Variants in RRP15 observed in about 807,000 individuals in gnomAD.
The protein encoded by RRP15 is RRP15-like protein.
A neutral mutation model predicts 27.1 loss-of-function variants in RRP15; 18 were observed. The observed-to-expected ratio is 0.66, with a 90% CI of 0.46 to 0.98. The LOEUF (loss-of-function observed/expected upper bound fraction) is 0.98, where lower values mean the gene tolerates loss of function less well. Ranked by LOEUF, RRP15 falls within the 50% of genes least tolerant of loss-of-function variation. The probability of loss-of-function intolerance (pLI) is 0.00; values close to 1 mark genes in which losing one functional copy is unlikely to be tolerated. For missense variants in RRP15, 359 were observed against 337.8 expected (o/e 1.06, Z -0.49); for synonymous variants, 107 against 109.4 (o/e 0.98, Z 0.14).
At chr1:218,328,764 C>G (rs1238099641) in intron 4 of RRP15, among the ~76,000 whole-genome samples, 1 of 152,004 alleles carries the variant, frequency 6.6e-6, no homozygotes, top group Non-Finnish European at 1.5e-5. Context: ...AGAGGAGTAG[C>G]TCAGTCCAAC....
intron 4 of RRP15, among the ~76,000 whole-genome samples, chr1:218,311,211 A>C (rs932000878): frequency 6.6e-6 from 1 of 152,132 alleles, no homozygotes; most frequent in African/African-American, 2.4e-5. Context: ...TCTGGTATTT[A>C]CCTCCATATC....
chr1:218,285,505 A>G, intron 1 of RRP15, 50 bp downstream of exon 1: 1 of 1,609,432 alleles, frequency 6.2e-7, no homozygotes, highest in Non-Finnish European at 8.5e-7. Flanking sequence ...GGCGGGGCTG[A>G]GTTCGTGTCA....
At chr1:218,308,206 G>A (rs1015522085) in intron 4 of RRP15, among the ~76,000 whole-genome samples, 3 of 150,662 alleles carry the variant, frequency 2.0e-5, no homozygotes, top group Non-Finnish European at 4.4e-5. Flanking sequence ...TGAGTAGCCA[G>A]GTTTACAGGC....
intron 4 of RRP15, among the ~76,000 whole-genome samples, chr1:218,313,684 G>A (rs148101311): frequency 9.9e-4 from 150 of 152,280 alleles, no homozygotes; most frequent in African/African-American, 3.0e-3. Context: ...GAGGCCACCT[G>A]GGGCAGGCAC....
At chr1:218,320,063 T>C (rs1315919147) in intron 4 of RRP15, among the ~76,000 whole-genome samples, 1 of 151,486 alleles carries the variant, frequency 6.6e-6, no homozygotes, top group Non-Finnish European at 1.5e-5. Flanking sequence ...TTTTCTTTTA[T>C]TTTATTATTA....
At chr1:218,326,731 G>C (rs1233938849) in intron 4 of RRP15, among the ~76,000 whole-genome samples, 3 of 151,942 alleles carry the variant, frequency 2.0e-5, no homozygotes, top group Admixed American at 1.3e-4. Context: ...TCTGGTTGCT[G>C]TGTGTGTGTG....
At chr1:218,326,490 C>G (rs1183491948) in intron 4 of RRP15, among the ~76,000 whole-genome samples, 1 of 151,122 alleles carries the variant, frequency 6.6e-6, no homozygotes, top group Non-Finnish European at 1.5e-5. Context: ...TTCTGATAAT[C>G]CTTAGTTGTG....
At chr1:218,323,376 T>C (rs1656218772) in intron 4 of RRP15, among the ~76,000 whole-genome samples, 1 of 152,032 alleles carries the variant, frequency 6.6e-6, no homozygotes, top group South Asian at 2.1e-4. Context: ...GACCCTGGGG[T>C]GGATAGCTCC....
Position 218,285,329 on chromosome 1 carries a change from G to A in RRP15, c.13G>A (p.Ala5Thr). 3.7e-6 allele frequency: 6 copies of A among 1,613,792 alleles called. No individual in the cohort carries two copies. Among genetic ancestry groups the A allele is most frequent in the Non-Finnish European group, 5.1e-6 (6 of 1,179,884 alleles). The change falls in exon 1 of 5, where the codon GCT (alanine) becomes ACT (threonine). Residue 5 changes from alanine to threonine, a missense_variant. Transcript: ENST00000366932. MAAA[A>T]PDSRVSEEEN... Reference sequence around the variant, plus strand: ...CCGGCGCAGAAAAATGGCAGCCGCCGCTCCGGACTCACGTGTGAGTGAGGA... The same window carrying A: ...CCGGCGCAGAAAAATGGCAGCCGCCACTCCGGACTCACGTGTGAGTGAGGA...
At chr1:218,290,225 A>C (rs1437403411) in intron 1 of RRP15, among the ~76,000 whole-genome samples, 1 of 152,210 alleles carries the variant, frequency 6.6e-6, no homozygotes, top group Admixed American at 6.5e-5. Context: ...GTAATATCAA[A>C]TTACTATAAA....
intron 1 of RRP15, among the ~76,000 whole-genome samples, chr1:218,300,558 G>A (rs893875430): frequency 6.6e-6 from 1 of 152,074 alleles, no homozygotes; most frequent in African/African-American, 2.4e-5. Flanking sequence ...GAGAGTAGAG[G>A]GGATCACTCA....
At chr1:218,314,990 CAAAAAA>C (rs76826029) in intron 4 of RRP15, among the ~76,000 whole-genome samples, 1 of 61,800 alleles carries the variant, frequency 1.6e-5, no homozygotes, top group Admixed American at 1.8e-4. Context: ...GGCTCCATCT[CAAAAAA>C]AAAAAAAAAA....
chr1:218,308,062 C>CTTTTTTTTTTTTTTTT (rs56813511), intron 4 of RRP15, among the ~76,000 whole-genome samples: 1 of 66,928 alleles, frequency 1.5e-5, no homozygotes, highest in African/African-American at 5.7e-5. Flanking sequence ...TTCTTTCTTT[C>CTTTTTTTTTTTTTTTT]TTTTTTTTTT....
chr1:218,314,054 T>C (rs1207535166), intron 4 of RRP15, among the ~76,000 whole-genome samples: 1 of 151,854 alleles, frequency 6.6e-6, no homozygotes, highest in Non-Finnish European at 1.5e-5. Context: ...GGAATCTTGC[T>C]ATGCTGCCCA....
chr1:218,323,835 G>C (rs1656227691), intron 4 of RRP15, among the ~76,000 whole-genome samples: 2 of 152,198 alleles, frequency 1.3e-5, no homozygotes, highest in South Asian at 2.1e-4. Flanking sequence ...AACAGTGCCC[G>C]GGTTCCGCTC....
At chr1:218,287,245 T>C (rs1006424899) in intron 1 of RRP15, among the ~76,000 whole-genome samples, 6 of 150,954 alleles carry the variant, frequency 4.0e-5, no homozygotes, top group African/African-American at 7.3e-5. Flanking sequence ...CCTCCCAAAG[T>C]GCTGAGATTA....
rs1656357946 is a variant in RRP15, at chr1:218,331,012, C to T, written c.770C>T (p.Ala257Val). 2 of 1,613,508 alleles carry T rather than the reference C, an allele frequency of 1.2e-6. No homozygotes were observed. The highest frequency in any genetic ancestry group is 1.1e-5 in the South Asian group (1 of 91,064). Residue 257 changes from alanine (A) to valine (V), a missense_variant, in exon 5 of 5, where the codon GCA becomes GTA. Transcript: ENST00000366932. ...TILRDDFMMGASMKDWDKESD... is the reference protein window; with the variant it reads ...TILRDDFMMGVSMKDWDKESD... ...CTACGTGATGATTTCATGATGGGAG[C>T]ATCTATGAAAGACTGGGACAAGGAA...
chr1:218,331,299 CAG>C lies in RRP15; in HGVS notation c.*210_*211del, dbSNP rs1162481614. On this transcript the variant is annotated 3_prime_UTR_variant, in exon 5 of 5. Transcript: ENST00000366932. The stretch of plus-strand genomic sequence containing the variant: ...TTGTATAATTTTAAGCATTGTTCCT[CAG>C]AACATTTGTAAAAGGATATATTTCT... 2 of 400,138 alleles carry C rather than the reference CAG, an allele frequency of 5.0e-6. No homozygotes were observed. Among genetic ancestry groups the C allele is most frequent in the East Asian group, 8.1e-5 (2 of 24,750 alleles). 24.8% of individuals were successfully genotyped at this position (400,138 alleles called of 1,614,324 possible).
chr1:218,327,349 C>T (rs565492419), intron 4 of RRP15, among the ~76,000 whole-genome samples: 1 of 152,300 alleles, frequency 6.6e-6, no homozygotes, highest in Non-Finnish European at 1.5e-5. Flanking sequence ...TACTCCGTCG[C>T]TCAGGCTGGA....
Sources: allele counts gnomAD v4.1 joint callset (sites outside exome capture counted in the v4.1 genomes callset), GRCh38; gene constraint gnomAD v4.1.1; transcripts MANE v1.5; gene names NCBI Gene and HGNC (gene_info 2026-07-23, HGNC 2026-07-21).